ZNF28: variants seen among roughly 807,000 people sequenced by gnomAD.
The protein encoded by ZNF28 is zinc finger protein 28.
A neutral mutation model predicts 7.2 loss-of-function variants in ZNF28; 5 were observed. That is an observed-to-expected ratio of 0.70 (90% CI 0.36 to 1.46). ZNF28 has a LOEUF of 1.46. Among genes scored for constraint, ZNF28 ranks in the 40% most tolerant of loss-of-function variants. The probability of loss-of-function intolerance (pLI) is 0.03; values close to 1 mark genes in which losing one functional copy is unlikely to be tolerated. For synonymous variants in ZNF28, 288 were observed against 292.4 expected (o/e 0.99, Z 0.15); for missense variants, 879 against 866.6 (o/e 1.01, Z -0.18).
chr19:52,810,144 G>C, intron 2 of ZNF28: 1 of 907,734 alleles, frequency 1.1e-6, no homozygotes, highest in East Asian at 2.4e-5. Context: ...GGGTGACCCG[G>C]GGCTGGAAGC....
At chr19:52,818,533 T>C (rs956574239) in intron 1 of ZNF28, among the ~76,000 whole-genome samples, 7 of 122,248 alleles carry the variant, frequency 5.7e-5, no homozygotes, top group Non-Finnish European at 1.6e-5. Context: ...GCCAACATGG[T>C]GAAACCCTGT....
At chr19:52,808,629 C>CAA (rs373465619) in intron 2 of ZNF28, among the ~76,000 whole-genome samples, 1 of 122,226 alleles carries the variant, frequency 8.2e-6, no homozygotes, top group African/African-American at 3.0e-5. Context: ...AACTCCATCT[C>CAA]AAAAAAAAAA....
chr19:52,818,044 AAT>A lies in ZNF28; in HGVS notation c.-73-15_-73-14del. On this transcript the variant is annotated splice_polypyrimidine_tract_variant and intron_variant, in intron 1 of 3. Coordinates refer to ENST00000457749, the MANE Select transcript of ZNF28 (RefSeq NM_006969.5). ...TTAGAAGTCAATCCTGAATGTTAAA[AAT>A]ATGTTGTTTATTGCTCAGAATCAAC... 1 of 1,594,342 alleles carries A rather than the reference AAT, an allele frequency of 6.3e-7. No individual in the cohort carries two copies. The highest frequency in any genetic ancestry group is 8.6e-7 in the Non-Finnish European group (1 of 1,168,434).
Position 52,800,315 on chromosome 19 carries a change from A to G in ZNF28, c.1530T>C (p.Leu510=), listed in dbSNP as rs777625178. The G allele has an allele frequency of 1.4e-5, 22 of 1,606,888 alleles. No homozygotes were observed. Among genetic ancestry groups the G allele is most frequent in the Non-Finnish European group, 1.4e-5 (17 of 1,178,004 alleles). The change falls in exon 4 of 4, where the codon CTT becomes CTC. Residue 510 remains leucine (L), a synonymous_variant. Transcript: ENST00000457749. The part of the protein sequence containing the change: ...CDKAFRSDSC[L]TEHQRVHTGE... ...CAGTATGAACTCTCTGATGTTCTGT[A>G]AGGCATGAATCACTCCGGAAAGCCT...
chr19:52,819,079 G>C (rs1160028012), intron 1 of ZNF28, among the ~76,000 whole-genome samples: 1 of 139,434 alleles, frequency 7.2e-6, no homozygotes, highest in African/African-American at 2.8e-5. Context: ...AATAAGAACA[G>C]GGACAACAAC....
At chr19:52,821,272 A>G (rs546257631) in intron 1 of ZNF28, among the ~76,000 whole-genome samples, 7,692 of 152,154 alleles carry the variant, frequency 0.051, 238 homozygotes, top group African/African-American at 0.09. Flanking sequence ...ACAGGGTGGG[A>G]ATACACCTCT....
At chr19:52,818,442 G>T (rs1242747150) in intron 1 of ZNF28, among the ~76,000 whole-genome samples, 1 of 152,138 alleles carries the variant, frequency 6.6e-6, no homozygotes, top group Admixed American at 6.6e-5. Context: ...GCTGGGCTCA[G>T]TGGCTCATGC....
At position 52,800,152 on chromosome 19, in the gene ZNF28, G is replaced by C. The variant is rs139191052; in HGVS notation, c.1693C>G (p.His565Asp). 6.8e-6 allele frequency: 11 copies of C among 1,613,776 alleles called. No individual in the cohort carries two copies. Among genetic ancestry groups the C allele is most frequent in the Non-Finnish European group, 8.5e-7 (1 of 1,179,882 alleles). ...TGAATCCTCCTATGTCTTTCCATGT[G>C]TGATTTGCGACTGAAAACTTTCTCA... ...ECEKVFSRKS[H>D]MERHRRIHTG... is the part of the protein sequence containing the mutation. The change falls in exon 4 of 4, where the codon CAC becomes GAC. Residue 565 changes from histidine (H) to aspartate (D), a missense_variant. His to Asp is a moderately conservative substitution (Grantham distance 81). Around this residue, in one of 2 missense-constraint regions of ZNF28, gnomAD observed 864 missense variants for 830.2 expected, o/e 1.04. Coordinates refer to ENST00000457749, the MANE Select transcript of ZNF28 (RefSeq NM_006969.5).
In ZNF28 at chr19:52,802,913, G is replaced by A. The variant is rs1018043476; in HGVS notation, c.143-1211C>T. On this transcript the variant is annotated intron_variant, in intron 3 of 3. Coordinates refer to ENST00000457749, the MANE Select transcript of ZNF28 (RefSeq NM_006969.5). ...GCAGCTTGGACTACAGGCACACACCGCCATGTCCAGCTAACTTTTTTGTAT... is the reference window on the plus strand; with the variant it reads ...GCAGCTTGGACTACAGGCACACACCACCATGTCCAGCTAACTTTTTTGTAT... Among the ~76,000 whole-genome samples the A allele has an allele frequency of 2.5e-4, 38 of 149,992 alleles. 1 individual carries two copies. The highest frequency in any genetic ancestry group is 3.0e-5 in the Non-Finnish European group (2 of 67,434).
Position 52,820,138 on chromosome 19 carries a change from T to G in ZNF28, c.-74+1448A>C, listed in dbSNP as rs1484492399. ...TTTTTTTTTTTTTTTTGAGACGGAG[T>G]CTCGCTCTGTCGTCCAGGCCGGACT... On this transcript the variant is annotated intron_variant, in intron 1 of 3. Transcript: ENST00000457749. Among the ~76,000 whole-genome samples the G allele has an allele frequency of 1.2e-4, 11 of 92,856 alleles. 2 individuals carry two copies. In the East Asian group the frequency reaches 2.5e-3, roughly 21 times the overall value. The allele number at this position is 92,856 out of a possible 152,430, so 60.9% of individuals were successfully genotyped here.
In ZNF28 at chr19:52,808,513, T is replaced by C. The variant is rs1404448302; in HGVS notation, c.16-380A>G. On this transcript the variant is annotated intron_variant, in intron 2 of 3. Coordinates refer to ENST00000457749, the MANE Select transcript of ZNF28 (RefSeq NM_006969.5). Reference sequence around the variant, plus strand: ...CAGGCTGGGCACAGTGACACATGTCTGTAATCCCAGCTACGCAGGAGGCTG... The same window carrying C: ...CAGGCTGGGCACAGTGACACATGTCCGTAATCCCAGCTACGCAGGAGGCTG... Among the ~76,000 whole-genome samples the C allele has an allele frequency of 2.0e-5, 3 of 151,988 alleles. No homozygotes were observed. In the East Asian group the frequency reaches 5.8e-4, roughly 29 times the overall value.
chr19:52,811,849 C>G (rs2063049251), intron 2 of ZNF28, among the ~76,000 whole-genome samples: 1 of 120,720 alleles, frequency 8.3e-6, no homozygotes, highest in Non-Finnish European at 1.8e-5. Flanking sequence ...GAAGTGAGGA[C>G]CCCTCTGCCC....
rs2062862224 is a variant in ZNF28, at chr19:52,801,049, T to C, written c.796A>G (p.Ile266Val). The change falls in exon 4 of 4, where the codon ATT (isoleucine) becomes GTT (valine). Residue 266 changes from isoleucine (I) to valine (V), a missense_variant. Physicochemically the swap from Ile to Val is conservative, Grantham distance 29. Around this residue, in one of 2 missense-constraint regions of ZNF28, gnomAD observed 864 missense variants for 830.2 expected, o/e 1.04. Transcript: ENST00000457749. The stretch of plus-strand genomic sequence containing the variant: ...TTACACTTGTAAGGTTTCTCATCAA[T>C]GTGAGATCTACGATGGCATGCAAGG... ...RYLACHRRSH[I>V]DEKPYKCNEC... The C allele has an allele frequency of 6.2e-6, 10 of 1,614,186 alleles. No homozygotes were observed. The East Asian group carries it at 2.2e-4, about 36-fold the overall frequency.
At chr19:52,804,733 G>A (rs1201611800) in intron 3 of ZNF28, among the ~76,000 whole-genome samples, 1 of 152,068 alleles carries the variant, frequency 6.6e-6, no homozygotes, top group Non-Finnish European at 1.5e-5. Flanking sequence ...TCAAACTCCT[G>A]ACCTCAAGCG....
chr19:52,808,338 A>C (rs777774606), intron 2 of ZNF28, among the ~76,000 whole-genome samples: 4 of 152,214 alleles, frequency 2.6e-5, no homozygotes, highest in Non-Finnish European at 5.9e-5. Context: ...TAAGTTTGTG[A>C]AAAATTCAAG....
At chr19:52,801,917 T>G (rs990924222) in intron 3 of ZNF28, among the ~76,000 whole-genome samples, 3 of 152,176 alleles carry the variant, frequency 2.0e-5, no homozygotes, top group African/African-American at 7.2e-5. Context: ...TCCTATATCA[T>G]GACAAAACAC....
rs1251199480 is a variant in ZNF28, at chr19:52,815,442, G to A, written c.15+2502C>T. ...TGAAGCAGGAGACACACTTGAACCCGGGAGGTAGAGGTTGCAGTGAGCCGA... is the reference window on the plus strand; with the variant it reads ...TGAAGCAGGAGACACACTTGAACCCAGGAGGTAGAGGTTGCAGTGAGCCGA... On this transcript the variant is annotated intron_variant, in intron 2 of 3. Coordinates refer to ENST00000457749, the MANE Select transcript of ZNF28 (RefSeq NM_006969.5). Among the ~76,000 whole-genome samples the A allele has an allele frequency of 2.8e-5, 4 of 145,206 alleles. 1 individual carries two copies. The highest frequency in any genetic ancestry group is 5.4e-5 in the African/African-American group (2 of 37,044).
chr19:52,801,380 C>G lies in ZNF28; in HGVS notation c.465G>C (p.Gln155His), dbSNP rs2062868490. 6.2e-7 allele frequency: 1 copy of G among 1,614,042 alleles called. No homozygotes were observed. The highest frequency in any genetic ancestry group is 1.3e-5 in the African/African-American group (1 of 74,914). ...CTTGATTACCAATTTTCCCTTCAGGCTGAAATATGTGCAGTTCAGGCAGAT... is the reference window on the plus strand; with the variant it reads ...CTTGATTACCAATTTTCCCTTCAGGGTGAAATATGTGCAGTTCAGGCAGAT... The part of the protein sequence containing the change: ...HSHLPELHIF[Q>H]PEGKIGNQVE... The change falls in exon 4 of 4, where the codon CAG becomes CAC. Residue 155 changes from glutamine to histidine, a missense_variant. Transcript: ENST00000457749.
rs2062817696 is a variant in ZNF28 at position 52,798,000 on chromosome 19, T to C, written c.*1688A>G. 6.6e-6 allele frequency: 1 copy of C among 152,446 alleles called. No homozygotes were observed. The highest frequency in any genetic ancestry group is 1.9e-4 in the East Asian group (1 of 5,190). The allele number at this position is 152,446 out of a possible 1,614,324, so 9.4% of individuals were successfully genotyped here. A position where few individuals can be genotyped will look rare whatever the true frequency, so the allele number is the denominator to read the frequency against. On this transcript the variant is annotated 3_prime_UTR_variant, in exon 4 of 4. Transcript: ENST00000457749. ...ATCCAGGTGTGGTGGCATGCACCTG[T>C]AGTCCCAGCTAGTCAGGAGACTGAG...
Sources: gnomAD v4.1 joint callset for allele counts (sites outside exome capture counted in the v4.1 genomes callset) on GRCh38, gnomAD v4.1.1 for gene constraint, gnomAD v4.1.1 regional missense constraint, MANE v1.5 for transcripts, NCBI Gene and HGNC (gene_info 2026-07-23, HGNC 2026-07-21) for gene names.